DMXL1: variants seen among roughly 807,000 people sequenced by gnomAD.
DMXL1 encodes the protein Dmx like 1.
Under a neutral mutation model 319.2 loss-of-function variants are expected in DMXL1, and 99 were observed. The ratio of observed to expected loss-of-function variants is 0.31; its 90% CI spans 0.26 to 0.37. The LOEUF is 0.37. Ranked by LOEUF, DMXL1 falls within the 10% of genes least tolerant of loss-of-function variation. The pLI is 1.00. For missense variants in DMXL1, 3,745 were observed against 3,595.6 expected (o/e 1.04, Z -1.06); for synonymous variants, 1,385 against 1,235.2 (o/e 1.12, Z -2.54).
chr5:119,217,716 A>T (rs1783927358), intron 35 of DMXL1, among the ~76,000 whole-genome samples: 2 of 152,180 alleles, frequency 1.3e-5, no homozygotes. Flanking sequence ...TTTTAAAATA[A>T]TTGTTAAATG....
intron 1 of DMXL1, among the ~76,000 whole-genome samples, chr5:119,078,753 G>C (rs568380570): frequency 6.6e-6 from 1 of 152,302 alleles, no homozygotes; most frequent in Non-Finnish European, 1.5e-5. Flanking sequence ...CACCCAGTCT[G>C]TGAGATATTC....
chr5:119,176,875 CAT>C (rs751386350), intron 26 of DMXL1, among the ~76,000 whole-genome samples: 7 of 152,032 alleles, frequency 4.6e-5, no homozygotes, highest in Non-Finnish European at 7.4e-5. Flanking sequence ...TTGATAGCGT[CAT>C]ATGCATAGGT....
At chr5:119,108,008 G>A (rs926786329) in intron 4 of DMXL1, among the ~76,000 whole-genome samples, 1 of 152,100 alleles carries the variant, frequency 6.6e-6, no homozygotes, top group African/African-American at 2.4e-5. Context: ...TCTTACTTGG[G>A]ATTTAGACAC....
At chr5:119,084,864 CAAA>C (rs767235744) in intron 1 of DMXL1, among the ~76,000 whole-genome samples, 6 of 69,896 alleles carry the variant, frequency 8.6e-5, no homozygotes, top group Non-Finnish European at 6.2e-5. Context: ...AACTCCGTCT[CAAA>C]AAAAAAAAAA....
intron 1 of DMXL1, among the ~76,000 whole-genome samples, chr5:119,080,065 A>T (rs1161297907): frequency 1.3e-5 from 2 of 152,164 alleles, no homozygotes; most frequent in Admixed American, 6.6e-5. Context: ...ACAAATAATC[A>T]ATTTTAAAAT....
In DMXL1 at chr5:119,158,092, G is replaced by A. The variant is rs192549703; in HGVS notation, c.4702+6056G>A. 2.0e-5 allele frequency among the ~76,000 whole-genome samples: 3 copies of A among 151,578 alleles called. 1 individual carries two copies. Among genetic ancestry groups the A allele is most frequent in the South Asian group, 4.2e-4 (2 of 4,804 alleles). On this transcript the variant is annotated intron_variant, in intron 19 of 43. Coordinates refer to ENST00000539542, the MANE Select transcript of DMXL1 (RefSeq NM_001290321.3). ...GTTTTTAATGAGATGGGGTCTTGCT[G>A]TGTTGCCCAGGCTTTTCTTAAACTC... is the stretch of plus-strand genomic sequence containing the variant.
rs1268611783 is a variant in DMXL1, at chr5:119,248,878, T to C, written c.*1659T>C. On this transcript the variant is annotated 3_prime_UTR_variant, in exon 44 of 44. Transcript: ENST00000539542. ...AGAAATCTGACAGCATTGCAAACAATAGTATTGTTTGATGTAGTTAACCTT... is the reference window on the plus strand; with the variant it reads ...AGAAATCTGACAGCATTGCAAACAACAGTATTGTTTGATGTAGTTAACCTT... The C allele has an allele frequency of 6.6e-6, 1 of 152,436 alleles. No individual in the cohort carries two copies. The highest frequency in any genetic ancestry group is 1.5e-5 in the Non-Finnish European group (1 of 67,916). The allele number at this position is 152,436 out of a possible 1,614,324, so 9.4% of individuals were successfully genotyped here.
At chr5:119,165,108 C>A (rs1243039478) in intron 20 of DMXL1, 75 bp from the exon 21 acceptor site, 10 of 846,620 alleles carry the variant, frequency 1.2e-5, no homozygotes, top group African/African-American at 3.4e-5. Flanking sequence ...GGATATGTGC[C>A]AGCCTTTCAT....
intron 1 of DMXL1, among the ~76,000 whole-genome samples, chr5:119,082,677 G>A (rs1752501496): frequency 6.6e-6 from 1 of 152,202 alleles, no homozygotes; most frequent in Non-Finnish European, 1.5e-5. Context: ...TTAAATCACT[G>A]TACTTGGCAT....
At chr5:119,121,845 C>A (rs1762129527) in intron 9 of DMXL1, among the ~76,000 whole-genome samples, 1 of 151,874 alleles carries the variant, frequency 6.6e-6, no homozygotes, top group Admixed American at 6.6e-5. Flanking sequence ...TCCTCACTTC[C>A]CAGTAGGGGT....
chr5:119,179,832 GA>G (rs1776480419), intron 28 of DMXL1, among the ~76,000 whole-genome samples: 1 of 152,006 alleles, frequency 6.6e-6, no homozygotes, highest in African/African-American at 2.4e-5. Flanking sequence ...CTTCCATCAA[GA>G]AAAAACAGGC....
chr5:119,089,793 A>C (rs1561551345), intron 1 of DMXL1, among the ~76,000 whole-genome samples: 1 of 148,862 alleles, frequency 6.7e-6, no homozygotes, highest in Non-Finnish European at 1.5e-5. Flanking sequence ...TACCCAGCTA[A>C]TTTTGTATTT....
At chr5:119,152,119 C>CA in intron 19 of DMXL1, 83 bp downstream of exon 19, 1 of 857,588 alleles carries the variant, frequency 1.2e-6, no homozygotes, top group Non-Finnish European at 1.8e-6. Flanking sequence ...TGTTTTTACC[C>CA]AAAAATGATA....
chr5:119,207,013 T>G, intron 34 of DMXL1, 117 bp downstream of exon 34: 1 of 569,676 alleles, frequency 1.8e-6, no homozygotes, highest in Non-Finnish European at 2.9e-6. Context: ...TATTGTTCCC[T>G]CAAATTATTC....
In DMXL1 at chr5:119,148,938, T is replaced by C. The variant is rs763216757; in HGVS notation, c.3111T>C (p.Asn1037=). 7 of 1,613,886 alleles carry C rather than the reference T, an allele frequency of 4.3e-6. No individual in the cohort carries two copies. The East Asian group carries it at 1.3e-4, about 31-fold the overall frequency. ...TTATTGAAGATGGACTTCAGAGCAATAGTAGTATAACTGTACCTGGTAGGC... is the reference window on the plus strand; with the variant it reads ...TTATTGAAGATGGACTTCAGAGCAACAGTAGTATAACTGTACCTGGTAGGC... ...PLLIEDGLQS[N]SSITVPGRPV... The change falls in exon 18 of 44, where the codon AAT becomes AAC. Residue 1037 remains asparagine (N), a synonymous_variant. Coordinates refer to ENST00000539542, the MANE Select transcript of DMXL1 (RefSeq NM_001290321.3).
intron 25 of DMXL1, among the ~76,000 whole-genome samples, chr5:119,173,284 G>C (rs1245508389): frequency 6.7e-6 from 1 of 150,174 alleles, no homozygotes; most frequent in Non-Finnish European, 1.5e-5. Context: ...AGGTTGCGGT[G>C]AGCCAAGATC....
chr5:119,228,995 A>G (rs1328435250), intron 38 of DMXL1, among the ~76,000 whole-genome samples: 1 of 152,014 alleles, frequency 6.6e-6, no homozygotes, highest in African/African-American at 2.4e-5. Flanking sequence ...CTAAAAAGAC[A>G]TGAAGCACAG....
intron 4 of DMXL1, 104 bp from the exon 5 acceptor site, chr5:119,110,047 A>G (rs1759231224): frequency 2.7e-6 from 3 of 1,114,976 alleles, no homozygotes; most frequent in Non-Finnish European, 3.7e-6. Flanking sequence ...TTTTTTTGAT[A>G]TTTGACTTTT....
rs1280007203 is a variant in DMXL1, at chr5:119,173,782, A to G, written c.6682-1479A>G. ...TATATATATATGTGTGTGTGTATAT[A>G]TATATATATATATATAATGAGAGAG... On this transcript the variant is annotated intron_variant, in intron 25 of 43. Coordinates refer to ENST00000539542, the MANE Select transcript of DMXL1 (RefSeq NM_001290321.3). 3.6e-4 allele frequency among the ~76,000 whole-genome samples: 41 copies of G among 115,288 alleles called. 2 individuals are homozygous for G. The East Asian group carries it at 4.5e-3, about 13-fold the overall frequency. 75.6% of individuals were successfully genotyped at this position (115,288 alleles called of 152,430 possible). A position where few individuals can be genotyped will look rare whatever the true frequency, so the allele number is the denominator to read the frequency against.
Sources: allele counts gnomAD v4.1 joint callset (sites outside exome capture counted in the v4.1 genomes callset), GRCh38; gene constraint gnomAD v4.1.1; transcripts MANE v1.5; gene names NCBI Gene and HGNC (gene_info 2026-07-23, HGNC 2026-07-21).